CSMD2: variants seen among roughly 807,000 people sequenced by gnomAD.
The protein encoded by CSMD2 is CUB and sushi domain-containing protein 2.
In CSMD2, 130 loss-of-function variants were observed where a neutral mutation model predicts 398.5. That is an observed-to-expected ratio of 0.33 (90% CI 0.28 to 0.38). CSMD2 has a LOEUF of 0.38. CSMD2 is among the 10% of genes least tolerant of loss of function. The pLI is 1.00. For missense variants in CSMD2, 3,829 were observed against 4,764.9 expected (o/e 0.80, Z 5.78); for synonymous variants, 1,828 against 1,908.5 (o/e 0.96, Z 1.10).
chr1:33,664,879 CTCAAGTGATTGTT>C (rs1441720668), intron 25 of CSMD2, among the ~76,000 whole-genome samples: 1 of 151,974 alleles, frequency 6.6e-6, no homozygotes, highest in Non-Finnish European at 1.5e-5. Flanking sequence ...AAATTATCCT[CTCAAGTGATTGTT>C]TCAATTTATA....
intron 5 of CSMD2, chr1:33,863,219 C>T (rs1192514425): frequency 6.6e-6 from 1 of 152,212 alleles, no homozygotes; most frequent in Non-Finnish European, 1.5e-5. Context: ...CAAAGGCCCC[C>T]AGAATGACAC....
intron 2 of CSMD2, among the ~76,000 whole-genome samples, chr1:34,077,362 C>G (rs529840515): frequency 1.4e-5 from 2 of 140,256 alleles, no homozygotes; most frequent in Non-Finnish European, 3.0e-5. Flanking sequence ...GAGGCTGAGG[C>G]AGGAGAATGG....
chr1:33,999,544 C>T (rs1646832609), intron 3 of CSMD2, among the ~76,000 whole-genome samples: 2 of 151,850 alleles, frequency 1.3e-5, no homozygotes, highest in South Asian at 2.1e-4. Context: ...CGCATGCATG[C>T]ACCACCTCAC....
intron 25 of CSMD2, among the ~76,000 whole-genome samples, chr1:33,676,196 A>T (rs1040242859): frequency 5.9e-5 from 9 of 152,242 alleles, no homozygotes; most frequent in African/African-American, 2.2e-4. Flanking sequence ...ACATGATTGT[A>T]TATCTAGAAA....
At chr1:33,609,628 T>C (rs74335624) in intron 41 of CSMD2, among the ~76,000 whole-genome samples, 2,405 of 152,328 alleles carry the variant, frequency 0.016, 64 homozygotes, top group African/African-American at 0.053. Flanking sequence ...TTTTTCTTTT[T>C]TTAAAAGATA....
At chr1:33,568,166 C>G (rs866013695) in intron 52 of CSMD2, among the ~76,000 whole-genome samples, 1 of 147,228 alleles carries the variant, frequency 6.8e-6, no homozygotes, top group Non-Finnish European at 1.5e-5. Flanking sequence ...GAAACGCCCC[C>G]AAAAACTCAA....
chr1:33,950,332 T>C (rs1383181978), intron 3 of CSMD2, among the ~76,000 whole-genome samples: 1 of 147,846 alleles, frequency 6.8e-6, no homozygotes, highest in Non-Finnish European at 1.5e-5. Flanking sequence ...ACCCGTCTCC[T>C]CCTCACACCC....
rs1032409071 is a variant in CSMD2 at position 33,679,001 on chromosome 1, C to T, written c.4052+13929G>A. ...TCCCTCTAACGTGCTGGGTGACCTC[C>T]GGCCAGCTGCCCTCTCTTCCTCATC... On this transcript the variant is annotated intron_variant, in intron 25 of 70. Transcript: ENST00000373381. 2.6e-5 allele frequency among the ~76,000 whole-genome samples: 4 copies of T among 152,154 alleles called. No individual in the cohort carries two copies. The East Asian group carries it at 5.8e-4, about 22-fold the overall frequency.
At chr1:33,744,475 T>A (rs1335149761) in intron 13 of CSMD2, among the ~76,000 whole-genome samples, 1 of 152,062 alleles carries the variant, frequency 6.6e-6, no homozygotes, top group African/African-American at 2.4e-5. Flanking sequence ...CTCTCCCCTA[T>A]TTCACCCTAA....
chr1:33,593,458 T>C (rs565531140), intron 44 of CSMD2, among the ~76,000 whole-genome samples: 1 of 152,222 alleles, frequency 6.6e-6, no homozygotes, highest in South Asian at 2.1e-4. Context: ...ATAATCATGG[T>C]GGAAGTTGAA....
intron 12 of CSMD2, among the ~76,000 whole-genome samples, chr1:33,780,522 A>G (rs1278006383): frequency 6.6e-6 from 1 of 152,238 alleles, no homozygotes; most frequent in Non-Finnish European, 1.5e-5. Flanking sequence ...TCACCAGCCA[A>G]AGGAGGCTGG....
intron 1 of CSMD2, among the ~76,000 whole-genome samples, chr1:34,123,818 C>T (rs867604764): frequency 1.3e-5 from 2 of 150,826 alleles, no homozygotes; most frequent in African/African-American, 4.9e-5. Flanking sequence ...GAAAAAAAAA[C>T]AACAACATGG....
At chr1:33,711,981 G>A (rs556774875) in intron 21 of CSMD2, among the ~76,000 whole-genome samples, 1 of 152,164 alleles carries the variant, frequency 6.6e-6, no homozygotes, top group Non-Finnish European at 1.5e-5. Context: ...AAGTAACAGG[G>A]GAGGTGAACA....
chr1:34,117,204 G>A (rs1050872157), intron 1 of CSMD2, among the ~76,000 whole-genome samples: 1 of 151,854 alleles, frequency 6.6e-6, no homozygotes, highest in African/African-American at 2.4e-5. Context: ...ATTAAGAGTT[G>A]ATTTTTTTCT....
chr1:33,617,412 T>C, intron 38 of CSMD2, 87 bp downstream of exon 38: 1 of 986,200 alleles, frequency 1.0e-6, no homozygotes, highest in Non-Finnish European at 1.6e-6. Context: ...CCCTGTTCTT[T>C]GGTGACTGTA....
chr1:34,051,657 G>A (rs998075169), intron 2 of CSMD2, among the ~76,000 whole-genome samples: 85 of 152,206 alleles, frequency 5.6e-4, no homozygotes, highest in African/African-American at 2.0e-3. Flanking sequence ...ACCATTCCAA[G>A]ATTTTGTCTC....
At chr1:33,797,540 C>G (rs1039222465) in intron 10 of CSMD2, among the ~76,000 whole-genome samples, 16 of 152,222 alleles carry the variant, frequency 1.1e-4, no homozygotes, top group Non-Finnish European at 1.8e-4. Context: ...GGCAGGCAGT[C>G]AGAGGCCAGG....
chr1:34,046,992 C>G (rs915093133), intron 2 of CSMD2, among the ~76,000 whole-genome samples: 17 of 152,162 alleles, frequency 1.1e-4, no homozygotes, highest in African/African-American at 3.9e-4. Flanking sequence ...TCCTAGTCCA[C>G]CTACAGATCC....
At chr1:34,158,514 A>AG (rs1641014590) in intron 1 of CSMD2, among the ~76,000 whole-genome samples, 1 of 152,194 alleles carries the variant, frequency 6.6e-6, no homozygotes, top group South Asian at 2.1e-4. Flanking sequence ...GGGTTGAGTG[A>AG]GGGGACCAGG....
Sources: gnomAD v4.1 joint callset for allele counts (sites outside exome capture counted in the v4.1 genomes callset) on GRCh38, gnomAD v4.1.1 for gene constraint, MANE v1.5 for transcripts, NCBI Gene and HGNC (gene_info 2026-07-23, HGNC 2026-07-21) for gene names.